The following CTNNA2 variants were observed in gnomAD, a reference collection of about 807,000 sequenced individuals.
The protein encoded by CTNNA2 is catenin alpha 2.
CTNNA2 carries 42 observed loss-of-function variants against 101.0 expected under a neutral mutation model. That is an observed-to-expected ratio of 0.42 (90% CI 0.32 to 0.54). The LOEUF is 0.54. Ranked by LOEUF, CTNNA2 falls within the 20% of genes least tolerant of loss-of-function variation. CTNNA2 has a pLI of 0.14. For synonymous variants in CTNNA2, 450 were observed against 456.4 expected (o/e 0.99, Z 0.18); for missense variants, 871 against 1,223.1 (o/e 0.71, Z 4.29).
intron 7 of CTNNA2, among the ~76,000 whole-genome samples, chr2:80,071,539 C>G (rs182378691): frequency 2.3e-4 from 35 of 152,098 alleles, no homozygotes; most frequent in South Asian, 4.1e-4. Context: ...CTGTGGGCCC[C>G]GTGAGGTGGT....
chr2:79,502,396 A>G (rs1359361080), intron 4 of CTNNA2, among the ~76,000 whole-genome samples: 1 of 152,184 alleles, frequency 6.6e-6, no homozygotes, highest in Non-Finnish European at 1.5e-5. Flanking sequence ...AAGTGAAGAA[A>G]AATTCTACAG....
chr2:80,609,717 T>C (rs1698304489), intron 17 of CTNNA2, among the ~76,000 whole-genome samples: 1 of 151,778 alleles, frequency 6.6e-6, no homozygotes, highest in Non-Finnish European at 1.5e-5. Context: ...TGAGTGCTTT[T>C]TGTTCAGCTT....
chr2:80,301,917 A>C (rs1676355544), intron 7 of CTNNA2: 4 of 138,506 alleles, frequency 2.9e-5, no homozygotes, highest in Admixed American at 7.5e-5. Flanking sequence ...TTTAGTTTAC[A>C]AAAAAAAAAA....
In CTNNA2 at chr2:79,525,557, TTTACA is replaced by T. The variant is rs1453811306; in HGVS notation, c.-6+12359_-6+12363del. ...CATTAAAGGTAATGGCAAGATTGCTTTTACATTACATTATTACATTACATTACATT... is the reference window on the plus strand; with the variant it reads ...CATTAAAGGTAATGGCAAGATTGCTTTTACATTATTACATTACATTACATT... On this transcript the variant is annotated intron_variant, in intron 1 of 18. Coordinates refer to ENST00000402739, the MANE Select transcript of CTNNA2 (RefSeq NM_001282597.3). Among the ~76,000 whole-genome samples the T allele has an allele frequency of 3.3e-5, 5 of 152,084 alleles. No individual in the cohort carries two copies. The East Asian group carries it at 9.6e-4, about 29-fold the overall frequency.
intron 2 of CTNNA2, among the ~76,000 whole-genome samples, chr2:79,725,978 T>C (rs1686815282): frequency 6.6e-6 from 1 of 152,206 alleles, no homozygotes; most frequent in Non-Finnish European, 1.5e-5. Flanking sequence ...GGTCTGCAGA[T>C]GTCCAAATAC....
chr2:80,392,159 T>C (rs1677575934), intron 7 of CTNNA2, among the ~76,000 whole-genome samples: 1 of 152,182 alleles, frequency 6.6e-6, no homozygotes, highest in Non-Finnish European at 1.5e-5. Flanking sequence ...TTTTTATGCA[T>C]TGCCAAATCA....
chr2:79,345,709 T>A (rs1371315789), intron 3 of CTNNA2, among the ~76,000 whole-genome samples: 2 of 152,178 alleles, frequency 1.3e-5, no homozygotes, highest in Non-Finnish European at 2.9e-5. Flanking sequence ...TTTGTCTGTT[T>A]TGAGACAGAG....
chr2:80,431,225 G>C (rs1681475515), intron 9 of CTNNA2, among the ~76,000 whole-genome samples: 1 of 152,138 alleles, frequency 6.6e-6, no homozygotes, highest in Admixed American at 6.6e-5. Context: ...TTTAGAAGGA[G>C]GTGGAGTTCA....
At chr2:80,353,130 C>G (rs1264516544) in intron 7 of CTNNA2, among the ~76,000 whole-genome samples, 1 of 152,006 alleles carries the variant, frequency 6.6e-6, no homozygotes, top group African/African-American at 2.4e-5. Context: ...TTATCATGGC[C>G]AGAGCGATCT....
chr2:80,065,652 C>T (rs1242414976), intron 7 of CTNNA2, among the ~76,000 whole-genome samples: 1 of 152,074 alleles, frequency 6.6e-6, no homozygotes, highest in Non-Finnish European at 1.5e-5. Context: ...GCACCTGGCC[C>T]CACTTTTCCA....
chr2:79,407,285 T>C (rs1183170035), intron 4 of CTNNA2, among the ~76,000 whole-genome samples: 2 of 152,052 alleles, frequency 1.3e-5, no homozygotes, highest in African/African-American at 4.8e-5. Flanking sequence ...TTATTTTATG[T>C]CAATCCCATT....
rs2149221288 is a variant in CTNNA2 at position 80,308,209 on chromosome 2, T to C, written c.1057-85002T>C. Among the ~76,000 whole-genome samples, 4 of 152,364 alleles carry C rather than the reference T, an allele frequency of 2.6e-5. 1 individual carries two copies. The Middle Eastern group carries it at 0.01, about 389-fold the overall frequency. On this transcript the variant is annotated intron_variant, in intron 7 of 18. Coordinates refer to ENST00000402739, the MANE Select transcript of CTNNA2 (RefSeq NM_001282597.3). ...GTTTTATCTCAACACTTCCAATTTG[T>C]TCATTTTAGTCAAAATAATTTGTGA...
At chr2:79,420,196 G>C (rs192738612) in intron 4 of CTNNA2, among the ~76,000 whole-genome samples, 1 of 152,256 alleles carries the variant, frequency 6.6e-6, no homozygotes, top group African/African-American at 2.4e-5. Flanking sequence ...TAGAATACAA[G>C]GAAGTATAAA....
chr2:80,506,819 G>C (rs1027935983), intron 9 of CTNNA2, among the ~76,000 whole-genome samples: 1 of 152,160 alleles, frequency 6.6e-6, no homozygotes, highest in Admixed American at 6.5e-5. Context: ...TTCATGGGAA[G>C]GAATAGAGCA....
At chr2:80,367,433 C>A (rs544776286) in intron 7 of CTNNA2, among the ~76,000 whole-genome samples, 2 of 151,918 alleles carry the variant, frequency 1.3e-5, no homozygotes, top group Non-Finnish European at 2.9e-5. Context: ...TGGGAGAAAA[C>A]GAATATAAGT....
chr2:80,597,139 G>A (rs1397231160), intron 15 of CTNNA2, among the ~76,000 whole-genome samples: 1 of 152,060 alleles, frequency 6.6e-6, no homozygotes, highest in East Asian at 1.9e-4. Context: ...TTGCATCGAT[G>A]TTCATCAGGG....
At chr2:79,441,850 G>A (rs1477251131) in intron 4 of CTNNA2, among the ~76,000 whole-genome samples, 1 of 152,162 alleles carries the variant, frequency 6.6e-6, no homozygotes, top group Non-Finnish European at 1.5e-5. Context: ...GGTGCTAACA[G>A]CACACTGACT....
intron 2 of CTNNA2, among the ~76,000 whole-genome samples, chr2:79,698,559 A>G (rs189570003): frequency 5.9e-5 from 9 of 152,236 alleles, no homozygotes; most frequent in South Asian, 2.1e-4. Context: ...GCCTATTACA[A>G]TGGTTAAACT....
intron 7 of CTNNA2, among the ~76,000 whole-genome samples, chr2:80,323,403 T>TTCC (rs1395933734): frequency 6.6e-6 from 1 of 152,110 alleles, no homozygotes; most frequent in Non-Finnish European, 1.5e-5. Flanking sequence ...TCTTCTCTCT[T>TTCC]TCCTCCTTGC....
Sources: gnomAD v4.1 joint callset for allele counts (sites outside exome capture counted in the v4.1 genomes callset) on GRCh38, gnomAD v4.1.1 for gene constraint, MANE v1.5 for transcripts, NCBI Gene and HGNC (gene_info 2026-07-23, HGNC 2026-07-21) for gene names.